AGBL4: variants seen among roughly 807,000 people sequenced by gnomAD.
AGBL4 encodes the protein cytosolic carboxypeptidase 6.
A neutral mutation model predicts 66.4 loss-of-function variants in AGBL4; 58 were observed. The ratio of observed to expected loss-of-function variants is 0.87; its 90% CI spans 0.71 to 1.09. The LOEUF (loss-of-function observed/expected upper bound fraction) is 1.09. AGBL4 is among the 50% of genes least tolerant of loss of function. AGBL4 has a pLI of 0.00. For synonymous variants in AGBL4, 234 were observed against 222.9 expected (o/e 1.05, Z -0.44); for missense variants, 579 against 631.0 (o/e 0.92, Z 0.88).
intron 3 of AGBL4, among the ~76,000 whole-genome samples, chr1:49,527,778 C>A (rs1650786380): frequency 6.6e-6 from 1 of 152,056 alleles, no homozygotes; most frequent in African/African-American, 2.4e-5. Flanking sequence ...AGACTGCTAA[C>A]CATGAAATAT....
At chr1:49,074,480 C>T (rs1029007048) in intron 4 of AGBL4, among the ~76,000 whole-genome samples, 3 of 152,190 alleles carry the variant, frequency 2.0e-5, no homozygotes, top group Non-Finnish European at 2.9e-5. Flanking sequence ...GCATCAATCT[C>T]GCTGGGAGCT....
At chr1:49,915,011 A>G (rs947947164) in intron 1 of AGBL4, among the ~76,000 whole-genome samples, 1 of 152,214 alleles carries the variant, frequency 6.6e-6, no homozygotes, top group Non-Finnish European at 1.5e-5. Context: ...TTAAATTTAA[A>G]CATAAATTTT....
At chr1:49,571,883 A>G (rs1294611362) in intron 3 of AGBL4, among the ~76,000 whole-genome samples, 1 of 152,112 alleles carries the variant, frequency 6.6e-6, no homozygotes, top group Non-Finnish European at 1.5e-5. Context: ...TTTACTTACA[A>G]ATGTTGAACC....
intron 6 of AGBL4, among the ~76,000 whole-genome samples, 158 bp from the exon 7 acceptor site, chr1:48,663,399 C>A (rs1646138610): frequency 6.6e-6 from 1 of 152,144 alleles, no homozygotes; most frequent in African/African-American, 2.4e-5. Flanking sequence ...CCATTGCTGA[C>A]TAATTTAATT....
At chr1:49,609,789 T>C (rs188485397) in intron 3 of AGBL4, among the ~76,000 whole-genome samples, 5 of 152,308 alleles carry the variant, frequency 3.3e-5, no homozygotes, top group African/African-American at 4.8e-5. Context: ...TTGCTTTGTG[T>C]CCATATGTAT....
intron 3 of AGBL4, among the ~76,000 whole-genome samples, chr1:49,424,615 C>T (rs924511345): frequency 2.6e-5 from 4 of 152,090 alleles, no homozygotes; most frequent in African/African-American, 9.7e-5. Flanking sequence ...GGAAATTAAC[C>T]CAGTTCCAGC....
intron 3 of AGBL4, among the ~76,000 whole-genome samples, chr1:49,508,723 C>T (rs546210650): frequency 2.2e-4 from 34 of 151,692 alleles, no homozygotes; most frequent in African/African-American, 5.3e-4. Context: ...TAATTTCATC[C>T]GTAAAATGAA....
intron 3 of AGBL4, among the ~76,000 whole-genome samples, chr1:49,691,991 T>C (rs1646897381): frequency 6.6e-6 from 1 of 152,102 alleles, no homozygotes; most frequent in Non-Finnish European, 1.5e-5. Flanking sequence ...ACTCCCCATA[T>C]ATAATCATCA....
At chr1:49,640,107 G>A (rs1645751680) in intron 3 of AGBL4, among the ~76,000 whole-genome samples, 1 of 151,996 alleles carries the variant, frequency 6.6e-6, no homozygotes, top group African/African-American at 2.4e-5. Context: ...ATCTTCCCAA[G>A]GTTTCTCAGA....
intron 6 of AGBL4, among the ~76,000 whole-genome samples, chr1:48,681,050 AC>A (rs974835636): frequency 3.9e-5 from 6 of 152,180 alleles, no homozygotes; most frequent in African/African-American, 1.4e-4. Context: ...ATGGGAATCT[AC>A]ACTTTTAAAA....
intron 1 of AGBL4, among the ~76,000 whole-genome samples, chr1:49,860,297 T>A (rs1646536450): frequency 6.6e-6 from 1 of 152,188 alleles, no homozygotes; most frequent in Non-Finnish European, 1.5e-5. Context: ...TTTACTGGAA[T>A]AAAACTAAAT....
At chr1:49,955,789 A>G (rs1184749214) in intron 1 of AGBL4, among the ~76,000 whole-genome samples, 1 of 151,888 alleles carries the variant, frequency 6.6e-6, no homozygotes, top group Non-Finnish European at 1.5e-5. Flanking sequence ...CTGCCCCCAG[A>G]TAAGTGTGCC....
intron 4 of AGBL4, among the ~76,000 whole-genome samples, chr1:49,195,149 A>C (rs555454630): frequency 6.6e-6 from 1 of 151,758 alleles, no homozygotes; most frequent in East Asian, 1.9e-4. Flanking sequence ...GCCTCTTTTT[A>C]TTCCTATGTC....
intron 3 of AGBL4, among the ~76,000 whole-genome samples, chr1:49,420,191 C>T (rs528575238): frequency 3.9e-5 from 6 of 152,218 alleles, no homozygotes; most frequent in South Asian, 2.1e-4. Context: ...AAAAATCTCT[C>T]GGGATTGAAA....
intron 3 of AGBL4, among the ~76,000 whole-genome samples, chr1:49,578,236 A>G (rs1429458794): frequency 1.3e-5 from 2 of 152,206 alleles, no homozygotes; most frequent in African/African-American, 4.8e-5. Flanking sequence ...CTACTACTCC[A>G]CAATGGAGGT....
chr1:49,844,419 G>A (rs995600652), intron 2 of AGBL4, among the ~76,000 whole-genome samples: 2 of 152,096 alleles, frequency 1.3e-5, no homozygotes, highest in Non-Finnish European at 2.9e-5. Context: ...TATTCCTTGT[G>A]CCAACTGTTT....
chr1:49,514,372 C>T (rs1366404732), intron 3 of AGBL4, among the ~76,000 whole-genome samples: 1 of 151,930 alleles, frequency 6.6e-6, no homozygotes, highest in African/African-American at 2.4e-5. Context: ...AACCACTGCT[C>T]AATGAAATAA....
At chr1:49,119,140 A>T (rs1645597783) in intron 4 of AGBL4, among the ~76,000 whole-genome samples, 1 of 152,102 alleles carries the variant, frequency 6.6e-6, no homozygotes, top group Non-Finnish European at 1.5e-5. Flanking sequence ...GATCTTTTCA[A>T]AAAACCAGCT....
chr1:49,559,556 A>T (rs779486630), intron 3 of AGBL4, among the ~76,000 whole-genome samples: 8 of 152,170 alleles, frequency 5.3e-5, no homozygotes, highest in Non-Finnish European at 1.2e-4. Context: ...AAACCATCCA[A>T]TTGGCTGCCA....
Sources: allele counts gnomAD v4.1 joint callset (sites outside exome capture counted in the v4.1 genomes callset), GRCh38; gene constraint gnomAD v4.1.1; transcripts MANE v1.5; gene names NCBI Gene and HGNC (gene_info 2026-07-23, HGNC 2026-07-21).